Variants in FAM107B observed in about 807,000 individuals in gnomAD.
FAM107B encodes the protein protein FAM107B.
In FAM107B, 21 loss-of-function variants were observed where a neutral mutation model predicts 31.5. The observed-to-expected ratio is 0.67, with a 90% confidence interval of 0.47 to 0.96. The LOEUF (loss-of-function observed/expected upper bound fraction) is 0.96, where lower values mean the gene tolerates loss of function less well. Among genes scored for constraint, FAM107B ranks in the 40% least tolerant of loss-of-function variants. The pLI, the probability that FAM107B is intolerant of heterozygous loss-of-function variation, is 0.00. For synonymous variants in FAM107B, 157 were observed against 141.5 expected (o/e 1.11, Z -0.78); for missense variants, 452 against 377.1 (o/e 1.20, Z -1.64).
intron 2 of FAM107B, among the ~76,000 whole-genome samples, chr10:14,659,072 C>T (rs1057136369): frequency 6.6e-6 from 1 of 152,144 alleles, no homozygotes; most frequent in African/African-American, 2.4e-5. Context: ...AGTCTGGGGA[C>T]CAGGTCTTCA....
chr10:14,603,742 G>C (rs1373111111), intron 2 of FAM107B, among the ~76,000 whole-genome samples: 1 of 152,152 alleles, frequency 6.6e-6, no homozygotes. Context: ...TTGCAGACTG[G>C]AGTCAGTGTC....
intron 2 of FAM107B, among the ~76,000 whole-genome samples, chr10:14,561,863 C>A (rs1850272047): frequency 1.3e-5 from 2 of 152,242 alleles, no homozygotes; most frequent in African/African-American, 4.8e-5. Context: ...TGGCTTACTG[C>A]AACCTCCGCC....
At chr10:14,538,081 C>T (rs574132090) in intron 2 of FAM107B, among the ~76,000 whole-genome samples, 160 of 152,214 alleles carry the variant, frequency 1.1e-3, no homozygotes, top group Non-Finnish European at 1.9e-3. Context: ...GATGGATGGA[C>T]GAACCAGATT....
intron 2 of FAM107B, among the ~76,000 whole-genome samples, chr10:14,634,868 T>C (rs1853457096): frequency 6.6e-6 from 1 of 152,016 alleles, no homozygotes; most frequent in East Asian, 1.9e-4. Context: ...GGCAGGCAGA[T>C]CACTTGTGGT....
chr10:14,580,912 T>TG (rs1192359976), intron 2 of FAM107B, among the ~76,000 whole-genome samples: 4 of 152,138 alleles, frequency 2.6e-5, no homozygotes, highest in African/African-American at 9.7e-5. Flanking sequence ...GAGAGCACAG[T>TG]GATTAAAACC....
intron 2 of FAM107B, among the ~76,000 whole-genome samples, chr10:14,574,715 G>A (rs560809059): frequency 6.6e-6 from 1 of 152,328 alleles, no homozygotes; most frequent in East Asian, 1.9e-4. Context: ...TTAGTATGAA[G>A]GGTAGGAAAT....
At chr10:14,640,537 C>T (rs76298433) in intron 2 of FAM107B, among the ~76,000 whole-genome samples, 8,021 of 152,234 alleles carry the variant, frequency 0.053, 386 homozygotes, top group East Asian at 0.29. Flanking sequence ...CTGAGATGAG[C>T]CCAGTGTGAC....
chr10:14,672,335 G>T (rs905579212), intron 1 of FAM107B, among the ~76,000 whole-genome samples: 1 of 152,098 alleles, frequency 6.6e-6, no homozygotes, highest in Non-Finnish European at 1.5e-5. Flanking sequence ...TGATCTGCCC[G>T]CCTCGGCCTC....
chr10:14,699,153 G>A (rs912720863), intron 1 of FAM107B, among the ~76,000 whole-genome samples: 2 of 152,124 alleles, frequency 1.3e-5, no homozygotes, highest in Admixed American at 6.5e-5. Context: ...TTGTAGAGAA[G>A]GAAATTGTGG....
intron 1 of FAM107B, among the ~76,000 whole-genome samples, chr10:14,673,728 G>A (rs1022270099): frequency 3.9e-5 from 6 of 152,080 alleles, no homozygotes; most frequent in African/African-American, 1.4e-4. Context: ...TTTTCATAAC[G>A]GCTGTACTGT....
At chr10:14,690,003 A>AAGGC (rs1855090137) in intron 1 of FAM107B, among the ~76,000 whole-genome samples, 1 of 24,656 alleles carries the variant, frequency 4.1e-5, no homozygotes, top group Non-Finnish European at 1.2e-4. Flanking sequence ...AGACAAAAGG[A>AAGGC]AGGAAGGAAG....
At chr10:14,730,270 A>G (rs1001528969) in intron 1 of FAM107B, among the ~76,000 whole-genome samples, 1 of 152,236 alleles carries the variant, frequency 6.6e-6, no homozygotes, top group Non-Finnish European at 1.5e-5. Flanking sequence ...GAGATGTCAC[A>G]TGGGCATCAG....
chr10:14,644,488 C>G (rs61842739), intron 2 of FAM107B, among the ~76,000 whole-genome samples: 56,958 of 152,146 alleles, frequency 0.37, 12,078 homozygotes, highest in Non-Finnish European at 0.47. Flanking sequence ...ACACCATGTA[C>G]ATTTGTACAT....
chr10:14,707,175 CA>C (rs796455708), intron 1 of FAM107B, among the ~76,000 whole-genome samples: 1 of 151,510 alleles, frequency 6.6e-6, no homozygotes. Context: ...CAAAACAAAA[CA>C]AAAAAATGGT....
At chr10:14,634,386 C>G (rs991622560) in intron 2 of FAM107B, among the ~76,000 whole-genome samples, 1 of 139,056 alleles carries the variant, frequency 7.2e-6, no homozygotes, top group Non-Finnish European at 1.5e-5. Context: ...GACCACAGAG[C>G]GAGACTCTGT....
At chr10:14,748,517 G>A (rs779778154) in intron 1 of FAM107B, among the ~76,000 whole-genome samples, 30 of 152,198 alleles carry the variant, frequency 2.0e-4, no homozygotes, top group Non-Finnish European at 3.8e-4. Flanking sequence ...ACAATCTGAG[G>A]TATGTCCCCA....
chr10:14,580,288 A>C (rs770221694), intron 2 of FAM107B, among the ~76,000 whole-genome samples: 24 of 152,122 alleles, frequency 1.6e-4, no homozygotes, highest in Non-Finnish European at 2.4e-4. Context: ...TGAACCCAGG[A>C]GGTGGAGCTT....
At chr10:14,744,717 G>A (rs1326754491) in intron 1 of FAM107B, among the ~76,000 whole-genome samples, 1 of 152,138 alleles carries the variant, frequency 6.6e-6, no homozygotes, top group Non-Finnish European at 1.5e-5. Context: ...TGGTGGTCAA[G>A]CTTTTTGATC....
intron 2 of FAM107B, among the ~76,000 whole-genome samples, chr10:14,574,693 G>T (rs7073026): frequency 4.6e-5 from 7 of 152,110 alleles, no homozygotes; most frequent in African/African-American, 7.2e-5. Context: ...AAAGAATTAC[G>T]AAATTATACT....
Sources: allele counts gnomAD v4.1 joint callset (sites outside exome capture counted in the v4.1 genomes callset), GRCh38; gene constraint gnomAD v4.1.1; transcripts MANE v1.5; gene names NCBI Gene and HGNC (gene_info 2026-07-23, HGNC 2026-07-21).